Variants in KDM4B observed in about 807,000 individuals in gnomAD.
The protein encoded by KDM4B is lysine-specific demethylase 4B.
In KDM4B, 32 loss-of-function variants were observed where a neutral mutation model predicts 125.2. The ratio of observed to expected loss-of-function variants is 0.26; its 90% CI spans 0.19 to 0.34. KDM4B has a LOEUF of 0.34. Ranked by LOEUF, KDM4B falls within the 10% of genes least tolerant of loss-of-function variation. The probability of loss-of-function intolerance (pLI) is 1.00; values close to 1 mark genes in which losing one functional copy is unlikely to be tolerated. For missense variants in KDM4B, 1,190 were observed against 1,577.7 expected (o/e 0.75, Z 4.16); for synonymous variants, 721 against 677.9 (o/e 1.06, Z -0.99).
intron 9 of KDM4B, among the ~76,000 whole-genome samples, chr19:5,109,449 A>C (rs2145980887): frequency 6.6e-6 from 1 of 152,290 alleles, no homozygotes; most frequent in Middle Eastern, 3.4e-3. Context: ...GCAGCGGCAG[A>C]GCCACCAAGA....
chr19:5,057,029 CGTGTGTGTGTGT>C (rs74170763), intron 6 of KDM4B, among the ~76,000 whole-genome samples: 62 of 144,182 alleles, frequency 4.3e-4, no homozygotes, highest in African/African-American at 1.0e-3. Flanking sequence ...GATATATATG[CGTGTGTGTGTGT>C]GTGTGTGTGT....
intron 9 of KDM4B, among the ~76,000 whole-genome samples, chr19:5,106,991 A>G (rs561473237): frequency 1.7e-4 from 26 of 152,166 alleles, no homozygotes; most frequent in Non-Finnish European, 2.9e-4. Flanking sequence ...TTTGGGAACA[A>G]AGACCCTCAG....
chr19:5,131,004 AT>A, intron 11 of KDM4B, 71 bp from the exon 12 acceptor site: 1 of 1,159,640 alleles, frequency 8.6e-7, no homozygotes, highest in South Asian at 1.7e-5. Context: ...AAGTTGGGGG[AT>A]TTCTGGGGAG....
At chr19:5,089,292 C>T (rs2038611735) in intron 9 of KDM4B, among the ~76,000 whole-genome samples, 1 of 152,190 alleles carries the variant, frequency 6.6e-6, no homozygotes, top group Admixed American at 6.5e-5. Flanking sequence ...GGCCGTCTGC[C>T]ATGGGTTACA....
intron 10 of KDM4B, among the ~76,000 whole-genome samples, chr19:5,118,482 G>T (rs2039298751): frequency 1.3e-5 from 2 of 152,140 alleles, no homozygotes; most frequent in African/African-American, 2.4e-5. Flanking sequence ...GCTGCAGGGG[G>T]TGGGCCTGGA....
chr19:5,004,979 C>T (rs974472037), intron 1 of KDM4B, among the ~76,000 whole-genome samples: 4 of 152,232 alleles, frequency 2.6e-5, no homozygotes, highest in Admixed American at 2.0e-4. Flanking sequence ...AGGCTTCATT[C>T]TCCCACCCCT....
At chr19:5,001,111 A>G (rs1425428497) in intron 1 of KDM4B, among the ~76,000 whole-genome samples, 1 of 151,076 alleles carries the variant, frequency 6.6e-6, no homozygotes, top group Non-Finnish European at 1.5e-5. Flanking sequence ...AGCTCGTTGC[A>G]GCCTTCACCT....
chr19:5,049,742 G>C (rs1284048066), intron 6 of KDM4B, among the ~76,000 whole-genome samples: 3 of 152,138 alleles, frequency 2.0e-5, no homozygotes, highest in Admixed American at 6.5e-5. Flanking sequence ...TCTACTACGG[G>C]CTATCAGTCC....
At position 5,082,046 on chromosome 19, in the gene KDM4B, C is replaced by T. The variant is rs1021799222; in HGVS notation, c.781-321C>T. The stretch of plus-strand genomic sequence containing the variant: ...CCACGGGCATTGTGTCCAGCCACGG[C>T]TCCATCTGCGGTTCTCCCACTGGGG... On this transcript the variant is annotated intron_variant, in intron 8 of 22. Transcript: ENST00000159111. This position sits in a 1 kb window ranked among gnomAD's most constrained non-coding sequence, Gnocchi z 5.4. Among the ~76,000 whole-genome samples, 1 of 152,204 alleles carries T rather than the reference C, an allele frequency of 6.6e-6. No homozygotes were observed. Among genetic ancestry groups the T allele is most frequent in the African/African-American group, 2.4e-5 (1 of 41,456 alleles).
At chr19:5,072,601 G>A (rs1357502868) in intron 7 of KDM4B, among the ~76,000 whole-genome samples, 2 of 152,202 alleles carry the variant, frequency 1.3e-5, no homozygotes, top group Non-Finnish European at 2.9e-5. Context: ...TTCTCCCATT[G>A]TATGTTTTTA....
chr19:5,131,563 AGGCAGGGAGGAGGGGGGCAGGTGGGGTGG>A lies in KDM4B; in HGVS notation c.1785+26_1785+54del, dbSNP rs760012807. 8.0e-4 allele frequency: 101 copies of A among 126,792 alleles called. 2 individuals are homozygous for A. Among genetic ancestry groups the A allele is most frequent in the East Asian group, 3.2e-3 (17 of 5,258 alleles). 7.9% of individuals were successfully genotyped at this position (126,792 alleles called of 1,614,324 possible). A position where few individuals can be genotyped will look rare whatever the true frequency, so the allele number is the denominator to read the frequency against. ...AGGGGCAGGTGGGGTGGAGCGGGGGAGGCAGGGAGGAGGGGGGCAGGTGGGGTGGGGCAGGGGAGGAGGGGGCAGGTGGG... is the reference window on the plus strand; with the variant it reads ...AGGGGCAGGTGGGGTGGAGCGGGGGAGGCAGGGGAGGAGGGGGCAGGTGGG... On this transcript the variant is annotated intron_variant, in intron 12 of 22. Transcript: ENST00000159111.
At chr19:5,144,620 G>A (rs1417387942) in intron 20 of KDM4B, among the ~76,000 whole-genome samples, 163 bp from the exon 21 acceptor site, 4 of 152,182 alleles carry the variant, frequency 2.6e-5, no homozygotes, top group African/African-American at 4.8e-5. Context: ...AAAGCGACCC[G>A]CAGCCAGGGC....
intron 6 of KDM4B, among the ~76,000 whole-genome samples, chr19:5,064,543 G>T (rs1029728695): frequency 2.0e-5 from 3 of 152,192 alleles, no homozygotes; most frequent in Admixed American, 1.3e-4. Flanking sequence ...GAGCTGTCAG[G>T]CTGGGCCGTG....
At chr19:5,048,351 C>T (rs1472752737) in intron 6 of KDM4B, among the ~76,000 whole-genome samples, 1 of 152,220 alleles carries the variant, frequency 6.6e-6, no homozygotes, top group Non-Finnish European at 1.5e-5. Context: ...TGTGAGTATG[C>T]ATGCGTGTGT....
At chr19:5,113,949 C>T in intron 10 of KDM4B, 1 of 1,225,766 alleles carries the variant, frequency 8.2e-7, no homozygotes, top group Non-Finnish European at 1.0e-6. Context: ...CGGCCTACTC[C>T]CTGCTCGCCA....
chr19:5,013,547 C>T (rs538805699), intron 1 of KDM4B, among the ~76,000 whole-genome samples: 4 of 152,296 alleles, frequency 2.6e-5, no homozygotes, highest in Admixed American at 2.6e-4. Flanking sequence ...TGGAGGCTCC[C>T]GGAGACAGTC....
At chr19:5,125,162 A>G (rs2039427452) in intron 11 of KDM4B, among the ~76,000 whole-genome samples, 1 of 152,226 alleles carries the variant, frequency 6.6e-6, no homozygotes, top group Non-Finnish European at 1.5e-5. Context: ...TGCTGGGATT[A>G]CAGGTATGAG....
intron 3 of KDM4B, among the ~76,000 whole-genome samples, chr19:5,033,919 C>T (rs1047042893): frequency 1.1e-4 from 17 of 152,270 alleles, no homozygotes; most frequent in Admixed American, 2.0e-4. Flanking sequence ...TTGCTTGAGG[C>T]CAGGAGTTCA....
At position 5,145,000 on chromosome 19, in the gene KDM4B, C is replaced by G. The variant is rs76768567; in HGVS notation, c.3021+98C>G. 796 of 1,521,914 alleles carry G rather than the reference C, an allele frequency of 5.2e-4. 4 individuals are homozygous for G. In the East Asian group the frequency reaches 7.9e-3, roughly 15 times the overall value. 94.3% of individuals were successfully genotyped at this position (1,521,914 alleles called of 1,614,324 possible). ...ACACCCCTGGCCCAGGTGCCTTTGC[C>G]TGGGGCACTGGCGGGTGTGGGCCAT... On this transcript the variant is annotated intron_variant, in intron 21 of 22. Coordinates refer to ENST00000159111, the MANE Select transcript of KDM4B (RefSeq NM_015015.3).
Sources: gnomAD v4.1 joint callset for allele counts (sites outside exome capture counted in the v4.1 genomes callset) on GRCh38, gnomAD v4.1.1 for gene constraint, Gnocchi (gnomAD v3.1) non-coding constraint, MANE v1.5 for transcripts, NCBI Gene and HGNC (gene_info 2026-07-23, HGNC 2026-07-21) for gene names.